Variants in MYT1L observed in about 807,000 individuals in gnomAD.
MYT1L encodes myelin transcription factor 1 like, also known as myelin transcription factor 1-like protein.
A neutral mutation model predicts 126.7 loss-of-function variants in MYT1L; 12 were observed. The ratio of observed to expected loss-of-function variants is 0.09; its 90% confidence interval spans 0.06 to 0.15. The LOEUF is 0.15. Among genes scored for constraint, MYT1L ranks in the 10% least tolerant of loss-of-function variants. The probability of loss-of-function intolerance (pLI) is 1.00; values close to 1 mark genes in which losing one functional copy is unlikely to be tolerated. For missense variants in MYT1L, 979 were observed against 1,585.2 expected, an observed-to-expected ratio of 0.62 and a Z score of 6.49; for synonymous variants, 541 against 604.2, an observed-to-expected ratio of 0.90 and a Z score of 1.53.
At chr2:2,009,819 T>G (rs184255637) in intron 4 of MYT1L, among the ~76,000 whole-genome samples, 1 of 152,288 alleles carries the variant, frequency 6.6e-6, no homozygotes, top group East Asian at 1.9e-4. Flanking sequence ...TGCTCCCTGT[T>G]AATTATATTA....
At chr2:2,322,786 A>C (rs1372693781) in intron 1 of MYT1L, among the ~76,000 whole-genome samples, 2 of 152,220 alleles carry the variant, frequency 1.3e-5, no homozygotes, top group East Asian at 3.8e-4. Flanking sequence ...TATTAATCAT[A>C]TAAAGCTTGG....
chr2:1,980,990 A>T (rs2060565731), intron 5 of MYT1L, among the ~76,000 whole-genome samples: 1 of 152,148 alleles, frequency 6.6e-6, no homozygotes, highest in Non-Finnish European at 1.5e-5. Context: ...GGTTTAGAGG[A>T]AGAACATCGG....
chr2:2,215,485 A>G (rs1477743573), intron 2 of MYT1L, among the ~76,000 whole-genome samples: 1 of 152,226 alleles, frequency 6.6e-6, no homozygotes, highest in African/African-American at 2.4e-5. Context: ...TCAAAAGAAA[A>G]TGACAATCTT....
At chr2:1,985,022 G>A (rs749760410) in intron 5 of MYT1L, among the ~76,000 whole-genome samples, 7 of 152,124 alleles carry the variant, frequency 4.6e-5, no homozygotes, top group Non-Finnish European at 1.0e-4. Flanking sequence ...CCCCGACAGA[G>A]TCCTCTTGCA....
chr2:2,140,019 A>T (rs992608122), intron 3 of MYT1L, among the ~76,000 whole-genome samples: 3 of 152,206 alleles, frequency 2.0e-5, no homozygotes, highest in Admixed American at 6.5e-5. Flanking sequence ...CACATAAACT[A>T]AATTAGAAAG....
chr2:2,320,051 T>C (rs1039273007), intron 1 of MYT1L, among the ~76,000 whole-genome samples: 1 of 152,162 alleles, frequency 6.6e-6, no homozygotes, highest in Non-Finnish European at 1.5e-5. Flanking sequence ...CTCCAGCTTG[T>C]CTGTCACTGA....
At chr2:2,303,165 C>T (rs2095809894) in intron 1 of MYT1L, among the ~76,000 whole-genome samples, 1 of 152,172 alleles carries the variant, frequency 6.6e-6, no homozygotes. Context: ...CTGGCGATCA[C>T]CTTCATCAAC....
chr2:1,947,287 T>C (rs537420054), intron 8 of MYT1L, among the ~76,000 whole-genome samples: 19 of 152,326 alleles, frequency 1.2e-4, no homozygotes, highest in African/African-American at 4.6e-4. Flanking sequence ...TCACTTGTTG[T>C]TCAGACTGTG....
chr2:2,195,421 G>C (rs1212901779), intron 2 of MYT1L, among the ~76,000 whole-genome samples: 1 of 152,202 alleles, frequency 6.6e-6, no homozygotes. Flanking sequence ...TGATTGGATT[G>C]AGGTGTTTTT....
chr2:1,839,398 T>C, intron 20 of MYT1L, 28 bp from the exon 21 acceptor site: 1 of 1,590,212 alleles, frequency 6.3e-7, no homozygotes, highest in Non-Finnish European at 8.6e-7. Context: ...TGACACACTT[T>C]ATTGTCTGGC....
intron 9 of MYT1L, among the ~76,000 whole-genome samples, chr2:1,939,159 C>A (rs760452504): frequency 6.6e-6 from 1 of 152,216 alleles, no homozygotes; most frequent in Admixed American, 6.5e-5. Context: ...CCCTGTGCCA[C>A]GCAGGATGGG....
At chr2:1,947,489 G>A (rs2057343919) in intron 8 of MYT1L, among the ~76,000 whole-genome samples, 1 of 152,176 alleles carries the variant, frequency 6.6e-6, no homozygotes, top group Admixed American at 6.5e-5. Context: ...TGCTGTGGTG[G>A]GTGTCTGAGT....
intron 5 of MYT1L, among the ~76,000 whole-genome samples, chr2:1,984,505 A>ATTTTTT (rs35510686): frequency 8.8e-6 from 1 of 114,280 alleles, no homozygotes; most frequent in Non-Finnish European, 1.7e-5. Flanking sequence ...CCAAGAACTA[A>ATTTTTT]TTTTTTTTTT....
At chr2:2,102,729 G>C (rs2078253055) in intron 3 of MYT1L, among the ~76,000 whole-genome samples, 1 of 151,802 alleles carries the variant, frequency 6.6e-6, no homozygotes, top group Non-Finnish European at 1.5e-5. Context: ...TGCTGGATGG[G>C]TGGAATCAAT....
intron 18 of MYT1L, among the ~76,000 whole-genome samples, chr2:1,862,803 C>CGT (rs1435226016): frequency 6.6e-6 from 1 of 152,006 alleles, no homozygotes; most frequent in Non-Finnish European, 1.5e-5. Context: ...GAATCAGTGA[C>CGT]GTGTGTTCCC....
At chr2:2,003,972 G>A (rs145467890) in intron 4 of MYT1L, among the ~76,000 whole-genome samples, 2 of 140,584 alleles carry the variant, frequency 1.4e-5, no homozygotes, top group Non-Finnish European at 3.2e-5. Context: ...CTTTCCTGCA[G>A]GCATTCTTTC....
At chr2:2,032,640 C>A in intron 4 of MYT1L, among the ~76,000 whole-genome samples, 1 of 132,328 alleles carries the variant, frequency 7.6e-6, no homozygotes, top group East Asian at 2.9e-4. Flanking sequence ...TCCTGTGGCC[C>A]AGAGCAGATT....
chr2:1,957,907 T>C (rs2058634580), intron 8 of MYT1L, among the ~76,000 whole-genome samples: 1 of 152,188 alleles, frequency 6.6e-6, no homozygotes, highest in Non-Finnish European at 1.5e-5. Flanking sequence ...TATCACTCAT[T>C]TAAGGTGAAC....
At chr2:1,930,424 C>T (rs921629520) in intron 9 of MYT1L, among the ~76,000 whole-genome samples, 9 of 152,186 alleles carry the variant, frequency 5.9e-5, no homozygotes, top group African/African-American at 1.9e-4. Flanking sequence ...TCTGATTCCA[C>T]CTTGATCTCC....
Sources: allele counts gnomAD v4.1 joint callset (sites outside exome capture counted in the v4.1 genomes callset), GRCh38; gene constraint gnomAD v4.1.1; transcripts MANE v1.5; gene names NCBI Gene and HGNC (gene_info 2026-07-23, HGNC 2026-07-21).